The following DNAJC13 variants were observed in gnomAD, a reference collection of about 807,000 sequenced individuals.
DNAJC13 encodes the protein dnaJ homolog subfamily C member 13.
In DNAJC13, 75 loss-of-function variants were observed where a neutral mutation model predicts 290.5. The observed-to-expected ratio is 0.26, with a 90% CI of 0.21 to 0.31. The LOEUF (loss-of-function observed/expected upper bound fraction) is 0.31. Among genes scored for constraint, DNAJC13 ranks in the 10% least tolerant of loss-of-function variants. DNAJC13 has a pLI of 1.00. For missense variants in DNAJC13, 2,260 were observed against 2,674.5 expected, an observed-to-expected ratio of 0.85 and a Z score of 3.42; for synonymous variants, 862 against 892.0, an observed-to-expected ratio of 0.97 and a Z score of 0.60.
chr3:132,520,198 A>C (rs1338498332), intron 48 of DNAJC13, among the ~76,000 whole-genome samples: 1 of 152,220 alleles, frequency 6.6e-6, no homozygotes, highest in African/African-American at 2.4e-5. Context: ...TCTCTGTTAC[A>C]AATATTGAGC....
chr3:132,456,809 C>G lies in DNAJC13; in HGVS notation c.1326C>G (p.Phe442Leu). ...GGCTTGTGGCATCCAAAGCTGGTTT[C>G]CTGGCTTTCACTCAGCTTCCAAAGT... ...VRRLVASKAG[F>L]LAFTQLPKFR... The change falls in exon 12 of 56, where the codon TTC becomes TTG. Residue 442 changes from phenylalanine (F) to leucine (L), a missense_variant. Phe to Leu is a conservative substitution (Grantham distance 22, BLOSUM62 0). Coordinates refer to ENST00000260818, the MANE Select transcript of DNAJC13 (RefSeq NM_015268.4). The G allele has an allele frequency of 6.2e-7, 1 of 1,612,586 alleles. No homozygotes were observed. The highest frequency in any genetic ancestry group is 8.5e-7 in the Non-Finnish European group (1 of 1,179,478).
At position 132,514,555 on chromosome 3, in the gene DNAJC13, GTTGA is replaced by G. The variant is rs1220253673; in HGVS notation, c.5386-13_5386-10del. ...TTATTTCTGAAACTTTTACTATCCT[GTTGA>G]TTAATTTTCAGGTTGTGAATATAGT... On this transcript the variant is annotated splice_polypyrimidine_tract_variant and intron_variant, in intron 45 of 55. Transcript: ENST00000260818. 6.3e-7 allele frequency: 1 copy of G among 1,575,436 alleles called. No individual in the cohort carries two copies. Among genetic ancestry groups the G allele is most frequent in the Non-Finnish European group, 8.7e-7 (1 of 1,152,232 alleles).
chr3:132,531,796 C>CA (rs556425849), intron 55 of DNAJC13, among the ~76,000 whole-genome samples: 11,956 of 123,320 alleles, frequency 0.097, 494 homozygotes, highest in Middle Eastern at 0.12. Flanking sequence ...GACTCTGCCT[C>CA]AAAAAAAAAA....
At position 132,483,442 on chromosome 3, in the gene DNAJC13, G is replaced by T; in HGVS notation, c.3047G>T (p.Gly1016Val). The T allele has an allele frequency of 6.2e-7, 1 of 1,614,142 alleles. No individual in the cohort carries two copies. The highest frequency in any genetic ancestry group is 8.5e-7 in the Non-Finnish European group (1 of 1,180,022). ...KTRCWAQGMD[G>V]WRPLQSIPQL... Reference sequence around the variant, plus strand: ...AGATGCTGGGCTCAAGGCATGGATGGATGGCGACCACTTCAGTCCATACCC... The same window carrying T: ...AGATGCTGGGCTCAAGGCATGGATGTATGGCGACCACTTCAGTCCATACCC... Residue 1016 changes from glycine (G) to valine (V), a missense_variant, in exon 28 of 56, where the codon GGA (glycine) becomes GTA (valine). By Grantham distance (109) the Gly-to-Val change is moderately radical (BLOSUM62 -3). Around this residue, in one of 3 missense-constraint regions of DNAJC13, gnomAD observed 1,494 missense variants for 1,693.7 expected, o/e 0.88. Coordinates refer to ENST00000260818, the MANE Select transcript of DNAJC13 (RefSeq NM_015268.4).
At chr3:132,442,530 A>G (rs923702405) in intron 2 of DNAJC13, among the ~76,000 whole-genome samples, 1 of 152,162 alleles carries the variant, frequency 6.6e-6, no homozygotes, top group Non-Finnish European at 1.5e-5. Context: ...ATCTCCACCA[A>G]TACTATCATC....
intron 42 of DNAJC13, among the ~76,000 whole-genome samples, chr3:132,506,376 A>C (rs1206243977): frequency 1.3e-5 from 2 of 150,942 alleles, no homozygotes; most frequent in African/African-American, 4.9e-5. Flanking sequence ...TTTTACCAGA[A>C]TAGACATAAT....
intron 43 of DNAJC13, among the ~76,000 whole-genome samples, 191 bp from the exon 44 acceptor site, chr3:132,510,876 C>T (rs990987653): frequency 6.6e-6 from 1 of 152,106 alleles, no homozygotes; most frequent in Non-Finnish European, 1.5e-5. Flanking sequence ...TATATCAGAT[C>T]TCTGGAAGTT....
At position 132,424,827 on chromosome 3, in the gene DNAJC13, CCTGTTGGTATCATACATATTACACATA is replaced by C. The variant is rs1276399995; in HGVS notation, c.-14+7071_-14+7097del. Among the ~76,000 whole-genome samples the C allele has an allele frequency of 1.7e-4, 26 of 152,048 alleles. 1 individual carries two copies. Among genetic ancestry groups the C allele is most frequent in the African/African-American group, 5.5e-4 (23 of 41,512 alleles). The stretch of plus-strand genomic sequence containing the variant: ...TGTATTTATGGTTTGTTTTAAGATT[CCTGTTGGTATCATACATATTACACATA>C]CTGATTTGTTGTTCATTTAGAAGAA... On this transcript the variant is annotated intron_variant, in intron 1 of 55. Transcript: ENST00000260818.
chr3:132,435,647 T>C (rs2107650814), intron 2 of DNAJC13, among the ~76,000 whole-genome samples: 1 of 152,298 alleles, frequency 6.6e-6, no homozygotes, highest in African/African-American at 2.4e-5. Flanking sequence ...TTCCCCCTAG[T>C]TAGTTTCAAT....
rs1936317365 is a variant in DNAJC13 at position 132,528,211 on chromosome 3, C to T, written c.6404C>T (p.Pro2135Leu). The T allele has an allele frequency of 5.0e-6, 8 of 1,614,028 alleles. No homozygotes were observed. Among genetic ancestry groups the T allele is most frequent in the Non-Finnish European group, 6.8e-6 (8 of 1,179,976 alleles). The change falls in exon 54 of 56, where the codon CCA (proline) becomes CTA (leucine). Residue 2135 changes from proline (P) to leucine (L), a missense_variant. Transcript: ENST00000260818. ...TAGGCCCTGAAAGCAGATTTGGTTCCATACCTCTTAAAATTACTCGAAGGC... is the reference window on the plus strand; with the variant it reads ...TAGGCCCTGAAAGCAGATTTGGTTCTATACCTCTTAAAATTACTCGAAGGC... ...VAQALKADLV[P>L]YLLKLLEGIG...
chr3:132,418,970 C>G (rs1024743476), intron 1 of DNAJC13, among the ~76,000 whole-genome samples: 1 of 152,128 alleles, frequency 6.6e-6, no homozygotes, highest in African/African-American at 2.4e-5. Context: ...GAACACAGTT[C>G]TTTGATTTTT....
At chr3:132,487,166 C>G (rs548301886) in intron 29 of DNAJC13, among the ~76,000 whole-genome samples, 7 of 152,118 alleles carry the variant, frequency 4.6e-5, no homozygotes, top group Non-Finnish European at 8.8e-5. Flanking sequence ...ACTTAAAAGA[C>G]CCATAGCTGT....
chr3:132,495,317 T>G, intron 35 of DNAJC13, 151 bp downstream of exon 35: 1 of 568,144 alleles, frequency 1.8e-6, no homozygotes, highest in Non-Finnish European at 3.0e-6. Flanking sequence ...ATGCCCATAG[T>G]TTCTGCATGG....
chr3:132,441,547 TTAAAAG>T (rs1452722836), intron 2 of DNAJC13, among the ~76,000 whole-genome samples: 1 of 152,180 alleles, frequency 6.6e-6, no homozygotes, highest in Admixed American at 6.5e-5. Flanking sequence ...ATCTTGAACT[TTAAAAG>T]TAATACAGGT....
Position 132,477,882 on chromosome 3 carries a change from A to G in DNAJC13, c.2539A>G (p.Ile847Val), listed in dbSNP as rs1934525023. 1.2e-6 allele frequency: 2 copies of G among 1,612,792 alleles called. No homozygotes were observed. Among genetic ancestry groups the G allele is most frequent in the Non-Finnish European group, 8.5e-7 (1 of 1,179,456 alleles). ...EEDENEESGS[I>V]KRSYEFFNEL... is the part of the protein sequence containing the mutation. Reference sequence around the variant, plus strand: ...AGATGAGAATGAAGAAAGTGGATCAATTAAGAGATCGTGAGCTACTCTGTA... The same window carrying G: ...AGATGAGAATGAAGAAAGTGGATCAGTTAAGAGATCGTGAGCTACTCTGTA... The change falls in exon 23 of 56, where the codon ATT (isoleucine) becomes GTT (valine). Residue 847 changes from isoleucine to valine, a missense_variant. Around this residue, in one of 3 missense-constraint regions of DNAJC13, gnomAD observed 1,494 missense variants for 1,693.7 expected, o/e 0.88. Coordinates refer to ENST00000260818, the MANE Select transcript of DNAJC13 (RefSeq NM_015268.4).
intron 55 of DNAJC13, among the ~76,000 whole-genome samples, chr3:132,534,447 G>C (rs1936528493): frequency 6.6e-6 from 1 of 152,242 alleles, no homozygotes. Flanking sequence ...CTTGAGTCCA[G>C]GAGTTCCAGA....
rs545323215 is a variant in DNAJC13 at position 132,533,038 on chromosome 3, C to T, written c.6625+1941C>T. Among the ~76,000 whole-genome samples the T allele has an allele frequency of 7.1e-5, 10 of 141,750 alleles. No homozygotes were observed. The South Asian group carries it at 8.9e-4, about 13-fold the overall frequency. 93.0% of individuals were successfully genotyped at this position (141,750 alleles called of 152,430 possible). A position where few individuals can be genotyped will look rare whatever the true frequency, so the allele number is the denominator to read the frequency against. ...CCTCCCAAAGTGCTGGGATTACAGGCGTGAGACACCACACCTGGCTTTTTT... is the reference window on the plus strand; with the variant it reads ...CCTCCCAAAGTGCTGGGATTACAGGTGTGAGACACCACACCTGGCTTTTTT... On this transcript the variant is annotated intron_variant, in intron 55 of 55. Coordinates refer to ENST00000260818, the MANE Select transcript of DNAJC13 (RefSeq NM_015268.4).
chr3:132,469,963 C>CTTTTTTTTTTTTTTTTT (rs61726289), intron 20 of DNAJC13, among the ~76,000 whole-genome samples: 4 of 61,156 alleles, frequency 6.5e-5, no homozygotes, highest in Non-Finnish European at 6.4e-5. Flanking sequence ...AGCAGAGATT[C>CTTTTTTTTTTTTTTTTT]TTTTTTTTTT....
chr3:132,508,836 A>G (rs2369801), intron 43 of DNAJC13, among the ~76,000 whole-genome samples: 14,064 of 152,308 alleles, frequency 0.092, 809 homozygotes, highest in South Asian at 0.14. Context: ...CCTATATGAC[A>G]ACACGTCTGT....
Sources: allele counts gnomAD v4.1 joint callset (sites outside exome capture counted in the v4.1 genomes callset), GRCh38; gene constraint gnomAD v4.1.1; regional missense constraint gnomAD v4.1.1; transcripts MANE v1.5; gene names NCBI Gene and HGNC (gene_info 2026-07-23, HGNC 2026-07-21).